MAPKAPK3: variants seen among roughly 807,000 people sequenced by gnomAD.
MAPKAPK3 encodes MAP kinase-activated protein kinase 3.
In MAPKAPK3, 35 loss-of-function variants were observed where a neutral mutation model predicts 49.2. The observed-to-expected ratio is 0.71, with a 90% CI of 0.54 to 0.94. MAPKAPK3 has a LOEUF of 0.94. Ranked by LOEUF, MAPKAPK3 falls within the 40% of genes least tolerant of loss-of-function variation. The probability of loss-of-function intolerance (pLI) is 0.00; values close to 1 mark genes in which losing one functional copy is unlikely to be tolerated. For missense variants in MAPKAPK3, 398 were observed against 493.1 expected (o/e 0.81, Z 1.83); for synonymous variants, 178 against 188.7 (o/e 0.94, Z 0.46).
intron 5 of MAPKAPK3, among the ~76,000 whole-genome samples, chr3:50,643,188 G>A (rs1423351193): frequency 6.6e-6 from 1 of 152,146 alleles, no homozygotes; most frequent in East Asian, 1.9e-4. Context: ...CCATAGCTTT[G>A]ACAGATCAGG....
intron 2 of MAPKAPK3, among the ~76,000 whole-genome samples, chr3:50,625,368 C>T (rs150500292): frequency 3.4e-4 from 51 of 152,212 alleles, no homozygotes; most frequent in Admixed American, 1.3e-3. Context: ...GAAAGAATGG[C>T]GTGAAGGGAG....
At chr3:50,619,579 C>G (rs972597622) in intron 2 of MAPKAPK3, among the ~76,000 whole-genome samples, 3 of 152,092 alleles carry the variant, frequency 2.0e-5, no homozygotes, top group Non-Finnish European at 4.4e-5. Context: ...TCCACCTGTG[C>G]TAGGATTGAG....
chr3:50,619,197 G>A (rs1315586146), intron 2 of MAPKAPK3, among the ~76,000 whole-genome samples: 5 of 152,212 alleles, frequency 3.3e-5, no homozygotes, highest in Non-Finnish European at 7.3e-5. Flanking sequence ...ACCTGATACA[G>A]GTCTGGAGAG....
intron 2 of MAPKAPK3, among the ~76,000 whole-genome samples, chr3:50,633,770 C>G (rs1420523486): frequency 2.6e-5 from 4 of 152,220 alleles, no homozygotes; most frequent in Non-Finnish European, 4.4e-5. Flanking sequence ...AGGGTGGCAC[C>G]AAGCATTCCC....
chr3:50,626,331 G>A (rs183748872), intron 2 of MAPKAPK3, among the ~76,000 whole-genome samples: 3 of 152,248 alleles, frequency 2.0e-5, no homozygotes, highest in South Asian at 2.1e-4. Flanking sequence ...GCAACCTACC[G>A]CCATTTTTAC....
chr3:50,646,609 ACT>A (rs1176792992), intron 8 of MAPKAPK3, 129 bp from the exon 9 acceptor site: 1 of 793,182 alleles, frequency 1.3e-6, no homozygotes, highest in Non-Finnish European at 2.2e-6. Flanking sequence ...TTGTTAGCTC[ACT>A]CTTTCTGTGG....
chr3:50,619,057 T>C (rs2032544976), intron 2 of MAPKAPK3, among the ~76,000 whole-genome samples: 1 of 152,216 alleles, frequency 6.6e-6, no homozygotes, highest in African/African-American at 2.4e-5. Flanking sequence ...TATCCTGTGT[T>C]TGCCAGTTTC....
intron 5 of MAPKAPK3, 98 bp from the exon 6 acceptor site, chr3:50,644,311 A>G (rs1204111909): frequency 2.1e-6 from 3 of 1,428,108 alleles, no homozygotes; most frequent in Non-Finnish European, 2.9e-6. Context: ...CTCCTTCTGC[A>G]CTGGGATGGA....
chr3:50,641,814 A>G (rs1400953064), intron 4 of MAPKAPK3, 43 bp downstream of exon 4: 3 of 1,535,370 alleles, frequency 2.0e-6, no homozygotes, highest in Non-Finnish European at 2.7e-6. Context: ...TCAGGGTGAG[A>G]GGTATGGACC....
At chr3:50,611,765 G>A (rs1294697327), upstream of MAPKAPK3, 1 of 1,344,410 alleles carries the variant, frequency 7.4e-7, no homozygotes. Flanking sequence ...GCGGGCGCAG[G>A]ACAGGGACTG....
Position 50,641,714 on chromosome 3 carries a change from G to T in MAPKAPK3, c.367G>T (p.Gly123Cys). Residue 123 changes from glycine to cysteine, a missense_variant, in exon 4 of 11, where the codon GGT becomes TGT. Around this residue, in one of 5 missense-constraint regions of MAPKAPK3, gnomAD observed 52 missense variants for 91.9 expected, o/e 0.57. Coordinates refer to ENST00000621469, the MANE Select transcript of MAPKAPK3 (RefSeq NM_001243925.2). ...TAGTCACCTCTTTTACAGCATGGAA[G>T]GTGGTGAGTTGTTCAGCAGGATTCA... ...CLLIIMECME[G>C]GELFSRIQER... 1 of 1,613,972 alleles carries T rather than the reference G, an allele frequency of 6.2e-7. No homozygotes were observed. The highest frequency in any genetic ancestry group is 8.5e-7 in the Non-Finnish European group (1 of 1,179,828).
chr3:50,645,059 T>C (rs1338756543), intron 6 of MAPKAPK3, among the ~76,000 whole-genome samples: 2 of 152,132 alleles, frequency 1.3e-5, no homozygotes, highest in Non-Finnish European at 2.9e-5. Context: ...AAATGTTCCT[T>C]GCCAAAACTG....
At chr3:50,635,406 CTTTTTTTTTTTTTTT>C (rs386396609) in intron 2 of MAPKAPK3, among the ~76,000 whole-genome samples, 20 of 48,626 alleles carry the variant, frequency 4.1e-4, no homozygotes, top group African/African-American at 1.5e-3. Flanking sequence ...TCAATTTAAT[CTTTTTTTTTTTTTTT>C]TTTTTTTTTT....
intron 2 of MAPKAPK3, 45 bp from the exon 3 acceptor site, chr3:50,640,321 T>C (rs768952953): frequency 6.3e-7 from 1 of 1,586,454 alleles, no homozygotes; most frequent in Non-Finnish European, 8.6e-7. Flanking sequence ...AAAATGATGG[T>C]AGAGGGCTCT....
upstream of MAPKAPK3, chr3:50,611,601 G>A (rs547882753): frequency 1.3e-6 from 2 of 1,522,744 alleles, no homozygotes; most frequent in Admixed American, 4.2e-5. Context: ...CCTCGTGGTG[G>A]CCGGGAAGGG....
rs560532051 is a variant in MAPKAPK3 at position 50,646,907 on chromosome 3, G to C, written c.915+82G>C. 481 of 1,406,528 alleles carry C rather than the reference G, an allele frequency of 3.4e-4. 1 individual carries two copies. Among genetic ancestry groups the C allele is most frequent in the Non-Finnish European group, 4.5e-4 (446 of 996,080 alleles). The allele number at this position is 1,406,528 out of a possible 1,614,324, so 87.1% of individuals were successfully genotyped here. On this transcript the variant is annotated intron_variant, in intron 9 of 10. Coordinates refer to ENST00000621469, the MANE Select transcript of MAPKAPK3 (RefSeq NM_001243925.2). ...GGCAGGAGGGTGGTGGCTCTGCTTT[G>C]AGGCCCCAGTGCAGGGCTGGAATGG...
rs2107600293 is a variant in MAPKAPK3, at chr3:50,644,459, C to T, written c.555C>T (p.Leu185=). Reference sequence around the variant, plus strand: ...AGGAGAAAGACGCAGTGCTTAAGCTCACCGATTTTGGCTTTGCTAAGGAGA... The same window carrying T: ...AGGAGAAAGACGCAGTGCTTAAGCTTACCGATTTTGGCTTTGCTAAGGAGA... ...TSKEKDAVLK[L]TDFGFAKETT... Residue 185 remains leucine, a synonymous_variant, in exon 6 of 11, where the codon CTC becomes CTT. Coordinates refer to ENST00000621469, the MANE Select transcript of MAPKAPK3 (RefSeq NM_001243925.2). 5 of 1,614,184 alleles carry T rather than the reference C, an allele frequency of 3.1e-6. No homozygotes were observed. In the East Asian group the frequency reaches 1.1e-4, roughly 36 times the overall value.
At chr3:50,613,465 G>C (rs2032388998), upstream of MAPKAPK3, among the ~76,000 whole-genome samples, 3 of 152,202 alleles carry the variant, frequency 2.0e-5, no homozygotes, top group South Asian at 6.2e-4. Flanking sequence ...GGGTAGGGGG[G>C]ATGGATACCT....
intron 2 of MAPKAPK3, among the ~76,000 whole-genome samples, chr3:50,628,297 C>T (rs1410490572): frequency 1.3e-5 from 2 of 152,160 alleles, no homozygotes; most frequent in Non-Finnish European, 2.9e-5. Flanking sequence ...CCTTTGTTAC[C>T]CTGTGTCAGC....
Sources: allele counts gnomAD v4.1 joint callset (sites outside exome capture counted in the v4.1 genomes callset), GRCh38; gene constraint gnomAD v4.1.1; regional missense constraint gnomAD v4.1.1; transcripts MANE v1.5; gene names NCBI Gene and HGNC (gene_info 2026-07-23, HGNC 2026-07-21).